The following SIGLEC1 variants were observed in gnomAD, a reference collection of about 807,000 sequenced individuals.
SIGLEC1 encodes sialoadhesin.
SIGLEC1 carries 132 observed loss-of-function variants against 148.0 expected under a neutral mutation model. The observed-to-expected ratio is 0.89, with a 90% CI of 0.77 to 1.03. SIGLEC1 has a LOEUF of 1.03. Ranked by LOEUF, SIGLEC1 falls within the 50% of genes least tolerant of loss-of-function variation. The pLI, the probability that SIGLEC1 is intolerant of heterozygous loss-of-function variation, is 0.00. For synonymous variants in SIGLEC1, 945 were observed against 969.0 expected (o/e 0.98, Z 0.46); for missense variants, 2,253 against 2,271.4 (o/e 0.99, Z 0.16).
At chr20:3,694,971 C>T in intron 11 of SIGLEC1, 48 bp from the exon 12 acceptor site, 1 of 1,575,774 alleles carries the variant, frequency 6.3e-7, no homozygotes, top group South Asian at 1.2e-5. Context: ...CCACACCTCT[C>T]ACAGTCTGGG....
Position 3,699,422 on chromosome 20 carries a change from C to T in SIGLEC1, c.1566G>A (p.Val522=). Residue 522 remains valine (V), a synonymous_variant, in exon 8 of 22, where the codon GTG becomes GTA. Transcript: ENST00000344754. ...RLLISPAAEV[V]EGQAVTLSCR... is the part of the protein sequence containing the mutation. ...AGCTCAGTGTCACTGCCTGTCCTTC[C>T]ACCACCTCGGCTGCCGGGCTGATGA... The T allele has an allele frequency of 6.2e-7, 1 of 1,610,160 alleles. No individual in the cohort carries two copies. The highest frequency in any genetic ancestry group is 8.5e-7 in the Non-Finnish European group (1 of 1,178,900).
At chr20:3,690,829 C>CTTTTTTTTTT (rs1226435413) in intron 18 of SIGLEC1, among the ~76,000 whole-genome samples, 5 of 117,010 alleles carry the variant, frequency 4.3e-5, no homozygotes, top group Non-Finnish European at 6.6e-5. Context: ...CTTTTCTTTT[C>CTTTTTTTTTT]TTTTTTTTTT....
chr20:3,693,497 G>T lies in SIGLEC1; in HGVS notation c.3458C>A (p.Pro1153His). The T allele has an allele frequency of 6.2e-7, 1 of 1,608,144 alleles. No individual in the cohort carries two copies. Among genetic ancestry groups the T allele is most frequent in the Non-Finnish European group, 8.5e-7 (1 of 1,176,740 alleles). Residue 1153 changes from proline to histidine, a missense_variant, in exon 14 of 22, where the codon CCC becomes CAC. Coordinates refer to ENST00000344754, the MANE Select transcript of SIGLEC1 (RefSeq NM_023068.4). ...GGAGAGGCGGGGTGCCCGACCAGGG[G>T]GGCCCACACCGCAGCGGTAGGAGGT... ...DATSYRCGVG[P>H]PGRAPRLSRP... is the part of the protein sequence containing the mutation.
rs569055451 is a variant in SIGLEC1 at position 3,698,046 on chromosome 20, C to T, written c.1874G>A (p.Arg625His). ...CCTGGCGGGGGGGTCGCTGTCCACA[C>T]GGCACAAAAGGAGGCCTCGCCGTCC... ...GAGRRGLLLC[R>H]VDSDPPARLQ... Residue 625 changes from arginine (R) to histidine (H), a missense_variant, in exon 9 of 22, where the codon CGT (arginine) becomes CAT (histidine). By Grantham distance (29) the Arg-to-His change is conservative. Transcript: ENST00000344754. The T allele has an allele frequency of 1.7e-5, 27 of 1,608,788 alleles. No homozygotes were observed. Among genetic ancestry groups the T allele is most frequent in the South Asian group, 8.9e-5 (8 of 90,378 alleles).
rs999245562 is a variant in SIGLEC1 at position 3,705,144 on chromosome 20, A to G, written c.706+600T>C. Reference sequence around the variant, plus strand: ...CCTTAGTAACTGGGATTACAGGCATATGCCACCACACCCGGCTAATTTTTG... The same window carrying G: ...CCTTAGTAACTGGGATTACAGGCATGTGCCACCACACCCGGCTAATTTTTG... On this transcript the variant is annotated intron_variant, in intron 4 of 21. Transcript: ENST00000344754. Among the ~76,000 whole-genome samples, 4 of 152,240 alleles carry G rather than the reference A, an allele frequency of 2.6e-5. No homozygotes were observed. The East Asian group carries it at 7.7e-4, about 29-fold the overall frequency.
In SIGLEC1 at chr20:3,694,352, T is replaced by G. The variant is rs775284764; in HGVS notation, c.3125A>C (p.His1042Pro). The G allele has an allele frequency of 6.2e-6, 10 of 1,613,256 alleles. No individual in the cohort carries two copies. The South Asian group carries it at 8.8e-5, about 14-fold the overall frequency. ...CAGTGTGTTGGGGGCCACAGCCACATGCAGCCTGGGAGAGCTGCCTTCGGG... is the reference window on the plus strand; with the variant it reads ...CAGTGTGTTGGGGGCCACAGCCACAGGCAGCCTGGGAGAGCTGCCTTCGGG... ...GGPEGSSPRL[H>P]VAVAPNTLRL... The change falls in exon 13 of 22, where the codon CAT becomes CCT. Residue 1042 changes from histidine to proline, a missense_variant. By Grantham distance (77) the His-to-Pro change is moderately conservative (BLOSUM62 -2). Coordinates refer to ENST00000344754, the MANE Select transcript of SIGLEC1 (RefSeq NM_023068.4).
Position 3,693,538 on chromosome 20 carries a change from G to A in SIGLEC1, c.3417C>T (p.Val1139=), listed in dbSNP as rs1490897683. The A allele has an allele frequency of 6.2e-6, 10 of 1,612,222 alleles. No individual in the cohort carries two copies. Among genetic ancestry groups the A allele is most frequent in the Non-Finnish European group, 8.5e-6 (10 of 1,179,418 alleles). ...GGTAGGAGGTGGCATCCCTGACTGT[G>A]ACGTTGGGCAGGGGGATGGAGTGGG... ...LDAHSIPLPN[V]TVRDATSYRC... The change falls in exon 14 of 22, where the codon GTC becomes GTT. Residue 1139 remains valine (V), a synonymous_variant. Transcript: ENST00000344754.
At chr20:3,709,018 C>G (rs2087914272) in intron 1 of SIGLEC1, among the ~76,000 whole-genome samples, 1 of 123,704 alleles carries the variant, frequency 8.1e-6, no homozygotes, top group East Asian at 2.5e-4. Context: ...GTACTCCAGC[C>G]TGGTGACAGA....
At chr20:3,703,762 C>A in intron 5 of SIGLEC1, 63 bp downstream of exon 5, 2 of 1,596,210 alleles carry the variant, frequency 1.3e-6, no homozygotes, top group Non-Finnish European at 1.7e-6. Context: ...GTCTCCCCTC[C>A]GTCCCTGAGG....
chr20:3,693,676 G>A lies in SIGLEC1; in HGVS notation c.3279C>T (p.Pro1093=), dbSNP rs764277845. The change falls in exon 14 of 22, where the codon CCC becomes CCT. Residue 1093 remains proline (P), a synonymous_variant. Transcript: ENST00000344754. ...DAQAVNVQVW[P]GATVREGQLV... is the part of the protein sequence containing the mutation. The stretch of plus-strand genomic sequence containing the variant: ...GCTGCCCCTCCCGCACGGTAGCCCC[G>A]GGCCACACCTGCACATTCACAGCTG... The A allele has an allele frequency of 1.2e-5, 19 of 1,595,294 alleles. No homozygotes were observed. Among genetic ancestry groups the A allele is most frequent in the Middle Eastern group, 1.7e-4 (1 of 5,972 alleles).
At chr20:3,695,886 A>ACTGCAACC (rs2088815772) in intron 11 of SIGLEC1, among the ~76,000 whole-genome samples, 1 of 151,596 alleles carries the variant, frequency 6.6e-6, no homozygotes, top group Non-Finnish European at 1.5e-5. Context: ...ATTTTGGCTC[A>ACTGCAACC]CTGCAACCTC....
chr20:3,696,781 A>ACAAGGCCAG lies in SIGLEC1; in HGVS notation c.2479_2487dup (p.Leu827_Leu829dup), dbSNP rs774905275. The ACAAGGCCAG allele has an allele frequency of 6.2e-7, 1 of 1,613,088 alleles. No individual in the cohort carries two copies. Among genetic ancestry groups the ACAAGGCCAG allele is most frequent in the Non-Finnish European group, 8.5e-7 (1 of 1,179,844 alleles). ...GTGGCCAGGAGGTGCTCCCCATGGA[A>ACAAGGCCAG]CAAGGCCAGCAAGGCCAGGGGGCGG... On this transcript the variant is annotated inframe_insertion, in exon 11 of 22. Transcript: ENST00000344754.
chr20:3,698,209 T>G, intron 8 of SIGLEC1, 76 bp from the exon 9 acceptor site: 1 of 1,285,510 alleles, frequency 7.8e-7, no homozygotes, highest in Non-Finnish European at 1.1e-6. Context: ...GCTCCCAGAA[T>G]ACACTGGACA....
intron 1 of SIGLEC1, among the ~76,000 whole-genome samples, chr20:3,711,091 T>A (rs7264182): frequency 0.054 from 8,168 of 152,194 alleles, 340 homozygotes; most frequent in East Asian, 0.12. Context: ...CGAGGGGGAA[T>A]TGCGGGTCCC....
Position 3,691,498 on chromosome 20 carries a change from G to T in SIGLEC1, c.4433C>A (p.Thr1478Asn). The change falls in exon 18 of 22, where the codon ACC becomes AAC. Residue 1478 changes from threonine to asparagine, a missense_variant. Transcript: ENST00000344754. ...LGGPGPVGNS[T>N]FAWFWNDRRL... ...CCGGTCATTCCAGAACCATGCAAAG[G>T]TGGAGTTGCCCACAGGCCCAGGGCC... 6.2e-7 allele frequency: 1 copy of T among 1,613,432 alleles called. No homozygotes were observed. Among genetic ancestry groups the T allele is most frequent in the Non-Finnish European group, 8.5e-7 (1 of 1,180,008 alleles).
chr20:3,690,389 G>A, intron 18 of SIGLEC1, 125 bp from the exon 19 acceptor site: 1 of 768,396 alleles, frequency 1.3e-6, no homozygotes, highest in Non-Finnish European at 2.0e-6. Flanking sequence ...CTCACTCCTT[G>A]AATCTGTGAC....
chr20:3,699,540 C>A, intron 7 of SIGLEC1, 81 bp from the exon 8 acceptor site: 1 of 1,515,966 alleles, frequency 6.6e-7, no homozygotes, highest in African/African-American at 1.4e-5. Flanking sequence ...TTCCAGGGTT[C>A]TCCTTTCCCC....
At position 3,698,119 on chromosome 20, in the gene SIGLEC1, GT is replaced by G; in HGVS notation, c.1800del (p.Gln600HisfsTer64). ...AVLTVLYPPR[Q>X]PTFTTRLDLD... ...AGGTCCAGCCTGGTGGTGAATGTTGGTTGTCGAGGGGGGTCTGCAGGGAGGA... is the reference window on the plus strand; with the variant it reads ...AGGTCCAGCCTGGTGGTGAATGTTGGTGTCGAGGGGGGTCTGCAGGGAGGA... On this transcript the variant is annotated frameshift_variant, in exon 9 of 22. Coordinates refer to ENST00000344754, the MANE Select transcript of SIGLEC1 (RefSeq NM_023068.4). LOFTEE classifies it high-confidence loss of function. The G allele has an allele frequency of 6.3e-7, 1 of 1,597,784 alleles. No homozygotes were observed.
intron 7 of SIGLEC1, among the ~76,000 whole-genome samples, chr20:3,700,697 CTTTTT>C (rs71195856): frequency 0.58 from 68,907 of 119,742 alleles, 18,607 homozygotes; most frequent in East Asian, 0.73. Flanking sequence ...TTTTCTTTTT[CTTTTT>C]TTTTTTTTTT....
Sources: gnomAD v4.1 joint callset for allele counts (sites outside exome capture counted in the v4.1 genomes callset) on GRCh38, gnomAD v4.1.1 for gene constraint, MANE v1.5 for transcripts, NCBI Gene and HGNC (gene_info 2026-07-23, HGNC 2026-07-21) for gene names.